ARHGAP12: variants seen among roughly 807,000 people sequenced by gnomAD.
The protein encoded by ARHGAP12 is Rho GTPase activating protein 12.
ARHGAP12 carries 64 observed loss-of-function variants against 108.6 expected under a neutral mutation model. That is an observed-to-expected ratio of 0.59 (90% CI 0.48 to 0.73). ARHGAP12 has a LOEUF of 0.73. Ranked by LOEUF, ARHGAP12 falls within the 30% of genes least tolerant of loss-of-function variation. The pLI is 0.00. For synonymous variants in ARHGAP12, 312 were observed against 337.2 expected, an observed-to-expected ratio of 0.93 and a Z score of 0.82; for missense variants, 940 against 1,005.9, an observed-to-expected ratio of 0.93 and a Z score of 0.89.
chr10:31,870,926 T>C (rs1277279091), intron 3 of ARHGAP12, among the ~76,000 whole-genome samples: 1 of 152,194 alleles, frequency 6.6e-6, no homozygotes, highest in African/African-American at 2.4e-5. Context: ...GTACTAATTA[T>C]GAGCTAGGCA....
chr10:31,813,333 T>G (rs1340929127), intron 14 of ARHGAP12, among the ~76,000 whole-genome samples: 1 of 152,162 alleles, frequency 6.6e-6, no homozygotes, highest in Non-Finnish European at 1.5e-5. Context: ...AAGCTAACTT[T>G]CATCATAATT....
intron 10 of ARHGAP12, among the ~76,000 whole-genome samples, chr10:31,828,494 C>T (rs1251987492): frequency 6.6e-6 from 1 of 152,040 alleles, no homozygotes; most frequent in Non-Finnish European, 1.5e-5. Context: ...CATCTACTGA[C>T]TCCCTACTAT....
In ARHGAP12 at chr10:31,910,574, AT is replaced by A. The variant is rs1224614546; in HGVS notation, c.-110-12del. 6.6e-5 allele frequency: 10 copies of A among 152,254 alleles called. No homozygotes were observed. Among genetic ancestry groups the A allele is most frequent in the African/African-American group, 2.4e-4 (10 of 41,460 alleles). 9.4% of individuals were successfully genotyped at this position (152,254 alleles called of 1,614,324 possible). A position where few individuals can be genotyped will look rare whatever the true frequency, so the allele number is the denominator to read the frequency against. The stretch of plus-strand genomic sequence containing the variant: ...GTATCACATTTAAACCTGTAAAAAA[AT>A]AAATAAGTTCATTAACTCAAACCAA... On this transcript the variant is annotated splice_polypyrimidine_tract_variant and intron_variant, in intron 1 of 19. Transcript: ENST00000344936.
intron 9 of ARHGAP12, among the ~76,000 whole-genome samples, chr10:31,832,608 T>A (rs574242687): frequency 6.6e-6 from 1 of 152,364 alleles, no homozygotes; most frequent in African/African-American, 2.4e-5. Context: ...CTAAGCATTA[T>A]CTGTATGAGA....
chr10:31,820,814 CT>C (rs1835389399), intron 11 of ARHGAP12, among the ~76,000 whole-genome samples: 1 of 150,672 alleles, frequency 6.6e-6, no homozygotes, highest in South Asian at 2.1e-4. Flanking sequence ...AGGCTATAGA[CT>C]AAAAAGGCCT....
chr10:31,909,378 A>G (rs1222362161), intron 2 of ARHGAP12, among the ~76,000 whole-genome samples: 2 of 152,130 alleles, frequency 1.3e-5, no homozygotes, highest in East Asian at 3.9e-4. Flanking sequence ...ACACGGCATT[A>G]CGGGTTTAAA....
chr10:31,834,504 C>G (rs1019820838), intron 9 of ARHGAP12, among the ~76,000 whole-genome samples: 1 of 152,190 alleles, frequency 6.6e-6, no homozygotes, highest in Non-Finnish European at 1.5e-5. Flanking sequence ...GCCACCAGAA[C>G]TGTGAGAAAT....
At chr10:31,899,853 G>A (rs148769256) in intron 3 of ARHGAP12, among the ~76,000 whole-genome samples, 214 of 152,242 alleles carry the variant, frequency 1.4e-3, no homozygotes, top group Admixed American at 2.7e-3. Flanking sequence ...TGATCCATGA[G>A]AGAAATAATT....
chr10:31,831,609 T>C (rs1388473151), intron 10 of ARHGAP12, 130 bp downstream of exon 10: 1 of 552,712 alleles, frequency 1.8e-6, no homozygotes, highest in South Asian at 4.0e-5. Flanking sequence ...ATCTTACATA[T>C]ATGATTACAT....
intron 3 of ARHGAP12, 63 bp downstream of exon 3, chr10:31,908,085 TAACTCTTACAAATATTTCAATTAA>T (rs1229570213): frequency 1.5e-6 from 2 of 1,304,944 alleles, no homozygotes; most frequent in Non-Finnish European, 2.1e-6. Flanking sequence ...AAACAAGTCT[TAACTCTTACAAATATTTCAATTAA>T]AACTATAACT....
At chr10:31,831,647 G>T in intron 10 of ARHGAP12, 92 bp downstream of exon 10, 1 of 744,540 alleles carries the variant, frequency 1.3e-6, no homozygotes, top group Non-Finnish European at 2.1e-6. Flanking sequence ...AGATTCTTCA[G>T]CACCTATTGT....
intron 10 of ARHGAP12, among the ~76,000 whole-genome samples, chr10:31,827,611 G>A (rs1354924604): frequency 4.6e-5 from 7 of 152,138 alleles, no homozygotes; most frequent in Non-Finnish European, 1.0e-4. Flanking sequence ...CTAACATGGT[G>A]AAACCTCGTC....
At position 31,806,802 on chromosome 10, in the gene ARHGAP12, GTTAGAATGTACTCTGAGA is replaced by G. The variant is rs1834837676; in HGVS notation, c.*838_*855del. ...CAATAACAATGATTAGAAATGTAGGGTTAGAATGTACTCTGAGACTATACAACACAATTATATACACAA... is the reference window on the plus strand; with the variant it reads ...CAATAACAATGATTAGAAATGTAGGGCTATACAACACAATTATATACACAA... On this transcript the variant is annotated 3_prime_UTR_variant, in exon 20 of 20. Coordinates refer to ENST00000344936, the MANE Select transcript of ARHGAP12 (RefSeq NM_018287.7). 1.3e-5 allele frequency: 2 copies of G among 152,486 alleles called. No homozygotes were observed. The highest frequency in any genetic ancestry group is 4.1e-4 in the South Asian group (2 of 4,836). 9.4% of individuals were successfully genotyped at this position (152,486 alleles called of 1,614,324 possible).
At chr10:31,916,444 T>C (rs146967538) in intron 1 of ARHGAP12, among the ~76,000 whole-genome samples, 39 of 152,284 alleles carry the variant, frequency 2.6e-4, no homozygotes, top group African/African-American at 9.1e-4. Context: ...TCCTCCTTTC[T>C]ATCTGCCAAT....
intron 3 of ARHGAP12, among the ~76,000 whole-genome samples, chr10:31,885,761 G>A (rs1158221413): frequency 6.6e-6 from 1 of 151,494 alleles, no homozygotes; most frequent in African/African-American, 2.4e-5. Context: ...AGAGGTTGCA[G>A]TGAGCCAAGA....
At chr10:31,841,302 G>A (rs1041635856) in intron 7 of ARHGAP12, among the ~76,000 whole-genome samples, 2 of 151,942 alleles carry the variant, frequency 1.3e-5, no homozygotes, top group Non-Finnish European at 2.9e-5. Flanking sequence ...ACCCTTCCAA[G>A]GTTATCTGTA....
At position 31,861,458 on chromosome 10, in the gene ARHGAP12, A is replaced by T; in HGVS notation, c.885T>A (p.Pro295=). The T allele has an allele frequency of 1.2e-6, 2 of 1,614,132 alleles. No homozygotes were observed. Among genetic ancestry groups the T allele is most frequent in the South Asian group, 1.1e-5 (1 of 91,070 alleles). ...NRGTQERTWK[P]PRWTRDASIS... ...TGCTTGCATCCCGAGTCCAACGAGG[A>T]GGTTTCCAAGTTCTTTCCTGTGTCC... The change falls in exon 4 of 20, where the codon CCT becomes CCA. Residue 295 remains proline (P), a synonymous_variant. Coordinates refer to ENST00000344936, the MANE Select transcript of ARHGAP12 (RefSeq NM_018287.7).
chr10:31,893,334 T>C (rs1838536276), intron 3 of ARHGAP12, among the ~76,000 whole-genome samples: 1 of 151,710 alleles, frequency 6.6e-6, no homozygotes. Context: ...ATCAACAAAA[T>C]TGATAGACTG....
At chr10:31,900,949 C>T (rs1050266623) in intron 3 of ARHGAP12, among the ~76,000 whole-genome samples, 11 of 152,142 alleles carry the variant, frequency 7.2e-5, no homozygotes, top group African/African-American at 2.4e-4. Context: ...GTCTCAGCAG[C>T]TCAAGCCTGT....
Sources: gnomAD v4.1 joint callset for allele counts (sites outside exome capture counted in the v4.1 genomes callset) on GRCh38, gnomAD v4.1.1 for gene constraint, MANE v1.5 for transcripts, NCBI Gene and HGNC (gene_info 2026-07-23, HGNC 2026-07-21) for gene names.